Variants in KIAA0586 observed in about 807,000 individuals in gnomAD.
The protein encoded by KIAA0586 is KIAA0586.
KIAA0586 carries 144 observed loss-of-function variants against 169.8 expected under a neutral mutation model. The observed-to-expected ratio is 0.85, with a 90% CI of 0.74 to 0.97. The LOEUF is 0.97. Among genes scored for constraint, KIAA0586 ranks in the 50% least tolerant of loss-of-function variants. KIAA0586 has a pLI of 0.00. For missense variants in KIAA0586, 1,854 were observed against 1,823.0 expected (o/e 1.02, Z -0.31); for synonymous variants, 625 against 612.4 (o/e 1.02, Z -0.30).
chr14:58,459,808 A>T, intron 12 of KIAA0586, 35 bp from the exon 13 acceptor site: 1 of 1,139,964 alleles, frequency 8.8e-7, no homozygotes, highest in Non-Finnish European at 1.2e-6. Flanking sequence ...CTATTTGTAG[A>T]CATTTTAAGT....
chr14:58,537,215 A>C, intron 29 of KIAA0586: 1 of 1,019,798 alleles, frequency 9.8e-7, no homozygotes, highest in Non-Finnish European at 1.2e-6. Flanking sequence ...CAACTCTGAT[A>C]CTGTGATAGT....
intron 19 of KIAA0586, 88 bp from the exon 20 acceptor site, chr14:58,477,035 T>C: frequency 1.5e-6 from 1 of 653,408 alleles, no homozygotes; most frequent in Non-Finnish European, 2.7e-6. Flanking sequence ...TTGGTAAAGG[T>C]TATTTTTAGG....
intron 16 of KIAA0586, among the ~76,000 whole-genome samples, chr14:58,468,604 G>A (rs2040958256): frequency 6.6e-6 from 1 of 152,164 alleles, no homozygotes; most frequent in Admixed American, 6.5e-5. Context: ...GCTCATGTGG[G>A]AAGAAACCCT....
intron 24 of KIAA0586, 111 bp from the exon 25 acceptor site, chr14:58,490,053 A>G (rs1246830668): frequency 1.8e-6 from 1 of 557,656 alleles, no homozygotes; most frequent in Non-Finnish European, 3.1e-6. Context: ...CTTTGCCAGT[A>G]TTTCCATTGC....
chr14:58,428,702 T>A lies in KIAA0586; in HGVS notation c.199+239T>A, dbSNP rs557687952. The stretch of plus-strand genomic sequence containing the variant: ...TTTTTTTGCATTGACTTTTGCATAT[T>A]TTTTTTTTTATATTTATGGTGGATA... On this transcript the variant is annotated intron_variant, in intron 1 of 30. Coordinates refer to ENST00000652326, the MANE Select transcript of KIAA0586 (RefSeq NM_001329943.3). 9.4e-4 allele frequency among the ~76,000 whole-genome samples: 138 copies of A among 146,220 alleles called. 1 individual carries two copies. Among genetic ancestry groups the A allele is most frequent in the Middle Eastern group, 7.0e-3 (2 of 286 alleles).
the KIAA0586 span, among the ~76,000 whole-genome samples, chr14:58,559,680 G>A: frequency 6.6e-6 from 1 of 152,230 alleles, no homozygotes; most frequent in South Asian, 2.1e-4. Flanking sequence ...CCTGGCCTGA[G>A]AAGCCTTGGG....
chr14:58,542,248 G>C (rs1004637678), intron 30 of KIAA0586, among the ~76,000 whole-genome samples: 7 of 152,282 alleles, frequency 4.6e-5, no homozygotes, highest in African/African-American at 1.7e-4. Flanking sequence ...AGAGGCCGAG[G>C]TGGGCAGATC....
At chr14:58,429,561 G>A (rs951033054) in intron 2 of KIAA0586, 128 bp downstream of exon 2, 4 of 668,720 alleles carry the variant, frequency 6.0e-6, no homozygotes, top group Non-Finnish European at 8.1e-6. Flanking sequence ...CAAAACAAAT[G>A]TTTTATATAC....
chr14:58,555,087 T>TTTTC (rs1457062440), downstream of KIAA0586, among the ~76,000 whole-genome samples: 1 of 146,396 alleles, frequency 6.8e-6, no homozygotes, highest in Non-Finnish European at 1.5e-5. Flanking sequence ...GTAGATTTCT[T>TTTTC]TTTCTTTCTT....
At chr14:58,488,130 T>A in intron 23 of KIAA0586, 21 bp downstream of exon 23, 1 of 1,496,680 alleles carries the variant, frequency 6.7e-7, no homozygotes, top group Non-Finnish European at 9.2e-7. Flanking sequence ...ACATACTCAC[T>A]AGTAACTGTA....
Position 58,482,536 on chromosome 14 carries a change from C to G in KIAA0586, c.2968C>G (p.Leu990Val). 6.4e-7 allele frequency: 1 copy of G among 1,550,824 alleles called. No individual in the cohort carries two copies. The highest frequency in any genetic ancestry group is 8.7e-7 in the Non-Finnish European group (1 of 1,145,652). Residue 990 changes from leucine (L) to valine (V), a missense_variant, in exon 21 of 31, where the codon CTC (leucine) becomes GTC (valine). By Grantham distance (32) the Leu-to-Val change is conservative. Transcript: ENST00000652326. Reference sequence around the variant, plus strand: ...AGTGGAAGGAACAAGCAGTGGCGCCCTCCAGCTTTTTGTTGATGCTGGTGT... The same window carrying G: ...AGTGGAAGGAACAAGCAGTGGCGCCGTCCAGCTTTTTGTTGATGCTGGTGT... ...DIVEGTSSGA[L>V]QLFVDAGVPV...
At chr14:58,497,551 G>A (rs2043243402) in intron 26 of KIAA0586, among the ~76,000 whole-genome samples, 1 of 151,278 alleles carries the variant, frequency 6.6e-6, no homozygotes, top group Admixed American at 6.6e-5. Context: ...TTTTAGTAGA[G>A]ACGGGGTTTC....
chr14:58,512,399 TAAA>T (rs2141478266), intron 28 of KIAA0586, 120 bp from the exon 29 acceptor site: 1 of 564,552 alleles, frequency 1.8e-6, no homozygotes, highest in East Asian at 3.4e-5. Flanking sequence ...TAAAAAGCAA[TAAA>T]AAGCAACTAG....
At position 58,548,670 on chromosome 14, in the gene KIAA0586, C is replaced by G. The variant is rs1389130796; in HGVS notation, c.*738C>G. ...TCGTGGTTACTATGTATTTGAACTTCAGTTGTGATAGAAAAAAATCATCAG... is the reference window on the plus strand; with the variant it reads ...TCGTGGTTACTATGTATTTGAACTTGAGTTGTGATAGAAAAAAATCATCAG... On this transcript the variant is annotated 3_prime_UTR_variant, in exon 31 of 31. Transcript: ENST00000652326. The G allele has an allele frequency of 1.3e-5, 2 of 152,064 alleles. No individual in the cohort carries two copies. The highest frequency in any genetic ancestry group is 1.3e-4 in the Admixed American group (2 of 15,258). 9.4% of individuals were successfully genotyped at this position (152,064 alleles called of 1,614,324 possible).
intron 4 of KIAA0586, among the ~76,000 whole-genome samples, chr14:58,438,903 A>G (rs527727327): frequency 6.6e-6 from 1 of 152,330 alleles, no homozygotes; most frequent in Non-Finnish European, 1.5e-5. Context: ...AGAGGAAATT[A>G]GCCAATTCAG....
At chr14:58,496,728 C>G (rs2043180895) in intron 26 of KIAA0586, among the ~76,000 whole-genome samples, 2 of 151,994 alleles carry the variant, frequency 1.3e-5, no homozygotes, top group Non-Finnish European at 2.9e-5. Context: ...GCAGTGATTT[C>G]TTCATATAGT....
chr14:58,512,772 T>C (rs2044480926), intron 29 of KIAA0586, 145 bp downstream of exon 29: 1 of 537,850 alleles, frequency 1.9e-6, no homozygotes, highest in African/African-American at 2.0e-5. Context: ...TCCATTTACA[T>C]GAAGAATCGG....
At chr14:58,552,013 G>C (rs1314980840), downstream of KIAA0586, among the ~76,000 whole-genome samples, 2 of 152,090 alleles carry the variant, frequency 1.3e-5, no homozygotes, top group Admixed American at 1.3e-4. Context: ...GGATCCTCAG[G>C]GGGAGGCTGG....
chr14:58,506,032 T>G (rs1030256307), intron 27 of KIAA0586, among the ~76,000 whole-genome samples: 2 of 152,154 alleles, frequency 1.3e-5, no homozygotes, highest in Non-Finnish European at 2.9e-5. Flanking sequence ...ACCAATTCTC[T>G]TATTAGTTCT....
Sources: allele counts gnomAD v4.1 joint callset (sites outside exome capture counted in the v4.1 genomes callset), GRCh38; gene constraint gnomAD v4.1.1; transcripts MANE v1.5; gene names NCBI Gene and HGNC (gene_info 2026-07-23, HGNC 2026-07-21).